The following CDCA7L variants were observed in gnomAD, a reference collection of about 807,000 sequenced individuals.
CDCA7L encodes cell division cycle associated 7 like.
In CDCA7L, 44 loss-of-function variants were observed where a neutral mutation model predicts 57.4. The observed-to-expected ratio is 0.77, with a 90% CI of 0.60 to 0.98. CDCA7L has a LOEUF of 0.98. Ranked by LOEUF, CDCA7L falls within the 50% of genes least tolerant of loss-of-function variation. CDCA7L has a pLI of 0.00. For synonymous variants in CDCA7L, 236 were observed against 202.8 expected (o/e 1.16, Z -1.39); for missense variants, 644 against 580.6 (o/e 1.11, Z -1.12).
chr7:21,930,356 G>C (rs761148548), intron 1 of CDCA7L, among the ~76,000 whole-genome samples: 9 of 152,166 alleles, frequency 5.9e-5, no homozygotes, highest in Non-Finnish European at 1.0e-4. Flanking sequence ...GCCCACAAGA[G>C]AAAGCAGGAA....
chr7:21,924,371 A>T (rs1785759348), intron 1 of CDCA7L, among the ~76,000 whole-genome samples: 1 of 152,170 alleles, frequency 6.6e-6, no homozygotes, highest in Non-Finnish European at 1.5e-5. Context: ...CATTTTCCTT[A>T]TTAAGTGTTT....
chr7:21,902,120 A>G lies in CDCA7L; in HGVS notation c.*202T>C. 1 of 619,376 alleles carries G rather than the reference A, an allele frequency of 1.6e-6. No individual in the cohort carries two copies. Among genetic ancestry groups the G allele is most frequent in the Non-Finnish European group, 2.9e-6 (1 of 346,472 alleles). 38.4% of individuals were successfully genotyped at this position (619,376 alleles called of 1,614,324 possible). Reference sequence around the variant, plus strand: ...AGCATACAGACAGGTCTGTGCATACATCTATATAGATTCCTCTGCTCTGCT... The same window carrying G: ...AGCATACAGACAGGTCTGTGCATACGTCTATATAGATTCCTCTGCTCTGCT... On this transcript the variant is annotated 3_prime_UTR_variant, in exon 10 of 10. Coordinates refer to ENST00000406877, the MANE Select transcript of CDCA7L (RefSeq NM_018719.5).
chr7:21,941,057 T>C (rs188598686), intron 1 of CDCA7L, among the ~76,000 whole-genome samples: 14 of 152,276 alleles, frequency 9.2e-5, no homozygotes, highest in Admixed American at 6.5e-5. Flanking sequence ...AGGAAAACAA[T>C]GTGTCAGAGG....
Position 21,900,916 on chromosome 7 carries a change from G to C in CDCA7L, c.*1406C>G. On this transcript the variant is annotated 3_prime_UTR_variant, in exon 10 of 10. Coordinates refer to ENST00000406877, the MANE Select transcript of CDCA7L (RefSeq NM_018719.5). Reference sequence around the variant, plus strand: ...AGCAAAAATATGACAAAACCAGAATGTTGAATGTTTATTGCATCAAACAAC... The same window carrying C: ...AGCAAAAATATGACAAAACCAGAATCTTGAATGTTTATTGCATCAAACAAC... 4 of 1,463,298 alleles carry C rather than the reference G, an allele frequency of 2.7e-6. No homozygotes were observed. The South Asian group carries it at 6.1e-5, about 22-fold the overall frequency. 90.6% of individuals were successfully genotyped at this position (1,463,298 alleles called of 1,614,324 possible). A position where few individuals can be genotyped will look rare whatever the true frequency, so the allele number is the denominator to read the frequency against.
At position 21,906,606 on chromosome 7, in the gene CDCA7L, G is replaced by C. The variant is rs1785150216; in HGVS notation, c.715C>G (p.Pro239Ala). The C allele has an allele frequency of 8.1e-6, 13 of 1,614,068 alleles. No homozygotes were observed. In the East Asian group the frequency reaches 1.3e-4, roughly 17 times the overall value. ...AQLLAELNSM[P>A]DFFPVRTPTS... ...GGGGTTCGTACTGGGAAGAAATCTG[G>C]CATCGAGTTCAATTCCGCCAATAAC... is the stretch of plus-strand genomic sequence containing the variant. The change falls in exon 5 of 10, where the codon CCA becomes GCA. Residue 239 changes from proline to alanine, a missense_variant. Pro to Ala is a conservative substitution (Grantham distance 27). Coordinates refer to ENST00000406877, the MANE Select transcript of CDCA7L (RefSeq NM_018719.5).
Position 21,904,022 on chromosome 7 carries a change from A to C in CDCA7L, c.1197+88T>G, listed in dbSNP as rs1167584631. 3.1e-5 allele frequency: 40 copies of C among 1,297,562 alleles called. No homozygotes were observed. In the South Asian group the frequency reaches 6.5e-4, roughly 21 times the overall value. 80.4% of individuals were successfully genotyped at this position (1,297,562 alleles called of 1,614,324 possible). On this transcript the variant is annotated intron_variant, in intron 8 of 9. Coordinates refer to ENST00000406877, the MANE Select transcript of CDCA7L (RefSeq NM_018719.5). ...AAAAACCAGAGTTCTGGAGCTCCCTAGTTCCCAGTGAGAACCCAGGAGGCC... is the reference window on the plus strand; with the variant it reads ...AAAAACCAGAGTTCTGGAGCTCCCTCGTTCCCAGTGAGAACCCAGGAGGCC...
Position 21,904,110 on chromosome 7 carries a change from C to A in CDCA7L, c.1197G>T (p.Pro399=). The change falls in exon 8 of 10, where the codon CCG becomes CCT. Residue 399 remains proline, a splice_region_variant and synonymous_variant. Coordinates refer to ENST00000406877, the MANE Select transcript of CDCA7L (RefSeq NM_018719.5). The part of the protein sequence containing the change: ...GEDVRSALLD[P]DWVCPPCRGI... ...CAACAAATGCAAACACTGTTCCTAC[C>A]GGGTCCAGCAATGCCGATCTGACAT... 1 of 1,594,092 alleles carries A rather than the reference C, an allele frequency of 6.3e-7. No individual in the cohort carries two copies. Among genetic ancestry groups the A allele is most frequent in the Non-Finnish European group, 8.5e-7 (1 of 1,171,530 alleles).
chr7:21,929,438 C>T (rs1357865151), intron 1 of CDCA7L, among the ~76,000 whole-genome samples: 2 of 152,050 alleles, frequency 1.3e-5, no homozygotes, highest in Admixed American at 6.5e-5. Context: ...ATAACAGGAT[C>T]AAATTCACAC....
At position 21,905,781 on chromosome 7, in the gene CDCA7L, G is replaced by A. The variant is rs1583841955; in HGVS notation, c.922-150C>T. The A allele has an allele frequency of 3.5e-6, 3 of 858,010 alleles. No individual in the cohort carries two copies. The East Asian group carries it at 8.5e-5, about 24-fold the overall frequency. The allele number at this position is 858,010 out of a possible 1,614,324, so 53.1% of individuals were successfully genotyped here. On this transcript the variant is annotated intron_variant, in intron 6 of 9. Coordinates refer to ENST00000406877, the MANE Select transcript of CDCA7L (RefSeq NM_018719.5). ...CAGCCATTTCATTTAGTTATTTACT[G>A]AGCTCCTGCCACCTGCCAAGCTTCC...
Position 21,902,098 on chromosome 7 carries a change from A to C in CDCA7L, c.*224T>G, listed in dbSNP as rs540306651. 2 of 547,420 alleles carry C rather than the reference A, an allele frequency of 3.7e-6. No individual in the cohort carries two copies. Among genetic ancestry groups the C allele is most frequent in the Non-Finnish European group, 6.6e-6 (2 of 304,734 alleles). 33.9% of individuals were successfully genotyped at this position (547,420 alleles called of 1,614,324 possible). A position where few individuals can be genotyped will look rare whatever the true frequency, so the allele number is the denominator to read the frequency against. On this transcript the variant is annotated 3_prime_UTR_variant, in exon 10 of 10. Coordinates refer to ENST00000406877, the MANE Select transcript of CDCA7L (RefSeq NM_018719.5). ...GCAGATATTTTTAACAAAGTTCAGC[A>C]TACAGACAGGTCTGTGCATACATCT...
chr7:21,914,112 A>T (rs570372025), intron 2 of CDCA7L, among the ~76,000 whole-genome samples: 6 of 152,322 alleles, frequency 3.9e-5, no homozygotes, highest in African/African-American at 1.2e-4. Flanking sequence ...AGGTGGATAA[A>T]CTTATTTTGA....
chr7:21,905,706 C>A, intron 6 of CDCA7L, 75 bp from the exon 7 acceptor site: 4 of 1,481,670 alleles, frequency 2.7e-6, no homozygotes, highest in South Asian at 1.3e-5. Flanking sequence ...TTTAAACTCT[C>A]AAAGATCTAG....
chr7:21,940,358 A>G (rs1786301756), intron 1 of CDCA7L: 19 of 948,066 alleles, frequency 2.0e-5, no homozygotes, highest in Non-Finnish European at 2.3e-5. Context: ...TTAAAAGAGT[A>G]TATTACTAAC....
At chr7:21,904,420 G>C (rs557082466) in intron 7 of CDCA7L, among the ~76,000 whole-genome samples, 161 bp from the exon 8 acceptor site, 7 of 152,232 alleles carry the variant, frequency 4.6e-5, no homozygotes, top group South Asian at 2.1e-4. Context: ...TCTCTAGACC[G>C]GGGTCCCCAG....
At position 21,906,411 on chromosome 7, in the gene CDCA7L, G is replaced by T; in HGVS notation, c.799C>A (p.Arg267=). The change falls in exon 6 of 10, where the codon CGG becomes AGG. Residue 267 remains arginine (R), a synonymous_variant. Transcript: ENST00000406877. The part of the protein sequence containing the change: ...RRAFSEGQIT[R]RMNPTRSARP... ...GCACTCCGGGTTGGGTTCATACGCC[G>T]CGTGATCTGTCCCTCCGAGAAGGCC... 1 of 1,612,842 alleles carries T rather than the reference G, an allele frequency of 6.2e-7. No homozygotes were observed. The highest frequency in any genetic ancestry group is 1.7e-5 in the Admixed American group (1 of 59,836).
intron 3 of CDCA7L, among the ~76,000 whole-genome samples, chr7:21,910,268 A>T (rs7811563): frequency 2.0e-5 from 3 of 152,070 alleles, no homozygotes; most frequent in Admixed American, 6.5e-5. Context: ...GCTGGCAAGA[A>T]GCTAGGGACT....
At chr7:21,942,065 C>T (rs886787608) in intron 1 of CDCA7L, among the ~76,000 whole-genome samples, 22 of 151,456 alleles carry the variant, frequency 1.5e-4, no homozygotes, top group Admixed American at 2.0e-4. Context: ...TGTCTTTGTT[C>T]TTCCACCCTA....
At chr7:21,914,119 T>C (rs1022039078) in intron 2 of CDCA7L, among the ~76,000 whole-genome samples, 7 of 152,128 alleles carry the variant, frequency 4.6e-5, no homozygotes, top group African/African-American at 1.7e-4. Context: ...TAAACTTATT[T>C]TGAAGTCCAT....
chr7:21,904,357 AC>A, intron 7 of CDCA7L, 98 bp from the exon 8 acceptor site: 1 of 1,186,806 alleles, frequency 8.4e-7, no homozygotes, highest in Non-Finnish European at 1.2e-6. Context: ...ATGAAGAAAT[AC>A]CCCCGTCTCC....
Sources: gnomAD v4.1 joint callset for allele counts (sites outside exome capture counted in the v4.1 genomes callset) on GRCh38, gnomAD v4.1.1 for gene constraint, MANE v1.5 for transcripts, NCBI Gene and HGNC (gene_info 2026-07-23, HGNC 2026-07-21) for gene names.